The following FBXL20 variants were observed in gnomAD, a reference collection of about 807,000 sequenced individuals.
The protein encoded by FBXL20 is F-box/LRR-repeat protein 20.
Under a neutral mutation model 64.0 loss-of-function variants are expected in FBXL20, and 11 were observed. That is an observed-to-expected ratio of 0.17 (90% confidence interval 0.11 to 0.28). The LOEUF (loss-of-function observed/expected upper bound fraction) is 0.28, where lower values mean the gene tolerates loss of function less well. Ranked by LOEUF, FBXL20 falls within the 10% of genes least tolerant of loss-of-function variation. FBXL20 has a pLI of 1.00. For synonymous variants in FBXL20, 184 were observed against 189.0 expected (o/e 0.97, Z 0.22); for missense variants, 303 against 526.2 (o/e 0.58, Z 4.15).
intron 2 of FBXL20, among the ~76,000 whole-genome samples, chr17:39,314,627 C>T (rs2047267426): frequency 6.6e-6 from 1 of 151,132 alleles, no homozygotes; most frequent in South Asian, 2.1e-4. Context: ...TCCCAAAGTG[C>T]TGGGATTACA....
chr17:39,368,838 G>A (rs2047887202), intron 1 of FBXL20, among the ~76,000 whole-genome samples: 1 of 151,990 alleles, frequency 6.6e-6, no homozygotes, highest in African/African-American at 2.4e-5. Context: ...TGTATTTTTA[G>A]TAAAGACGGG....
At chr17:39,393,115 C>T (rs1046905993) in intron 1 of FBXL20, among the ~76,000 whole-genome samples, 1 of 151,838 alleles carries the variant, frequency 6.6e-6, no homozygotes, top group African/African-American at 2.4e-5. Flanking sequence ...ATGGCAAAAC[C>T]CTATCTCTAC....
intron 1 of FBXL20, among the ~76,000 whole-genome samples, chr17:39,376,659 T>G (rs2144646232): frequency 6.6e-6 from 1 of 152,254 alleles, no homozygotes; most frequent in East Asian, 1.9e-4. Flanking sequence ...ACTAGGAGAA[T>G]TTGCGGTTCT....
chr17:39,340,288 G>T (rs1006363230), intron 2 of FBXL20, among the ~76,000 whole-genome samples: 4 of 152,140 alleles, frequency 2.6e-5, no homozygotes, highest in African/African-American at 9.7e-5. Context: ...GTAGAGATGG[G>T]GTTTCACCAT....
At chr17:39,366,741 T>A (rs546646402) in intron 1 of FBXL20, among the ~76,000 whole-genome samples, 21 of 152,208 alleles carry the variant, frequency 1.4e-4, no homozygotes, top group Admixed American at 8.5e-4. Flanking sequence ...TCTGCTGTGA[T>A]ATATAATGCC....
intron 1 of FBXL20, among the ~76,000 whole-genome samples, chr17:39,368,982 C>T (rs1479599738): frequency 1.3e-5 from 2 of 152,122 alleles, no homozygotes; most frequent in Non-Finnish European, 2.9e-5. Flanking sequence ...TAAAAAATAA[C>T]TGAAGTTTCT....
chr17:39,396,218 G>A (rs1404988442), intron 1 of FBXL20, among the ~76,000 whole-genome samples: 1 of 152,002 alleles, frequency 6.6e-6, no homozygotes, highest in African/African-American at 2.4e-5. Context: ...CAGATGCATA[G>A]GATTCTAGAA....
chr17:39,270,436 C>T (rs548683500), intron 11 of FBXL20, among the ~76,000 whole-genome samples: 2 of 151,974 alleles, frequency 1.3e-5, no homozygotes, highest in Admixed American at 6.6e-5. Context: ...CCCAGCTACT[C>T]GGGAGGCTGA....
At chr17:39,400,651 C>T (rs2048232221) in intron 1 of FBXL20, among the ~76,000 whole-genome samples, 1 of 152,204 alleles carries the variant, frequency 6.6e-6, no homozygotes, top group African/African-American at 2.4e-5. Flanking sequence ...ACCGTCCACT[C>T]CTCAATTCCA....
intron 2 of FBXL20, among the ~76,000 whole-genome samples, chr17:39,335,268 GAAATGCTTA>G (rs2047509366): frequency 6.8e-6 from 1 of 147,330 alleles, no homozygotes. Context: ...CCCACCCCAC[GAAATGCTTA>G]AAAGGTAGCT....
chr17:39,357,972 A>C (rs1391350017), intron 1 of FBXL20, among the ~76,000 whole-genome samples: 2 of 152,226 alleles, frequency 1.3e-5, no homozygotes, highest in African/African-American at 2.4e-5. Context: ...AAACAGAAAC[A>C]ATTACATATA....
chr17:39,283,714 T>C (rs1444325118), intron 7 of FBXL20, among the ~76,000 whole-genome samples: 2 of 152,210 alleles, frequency 1.3e-5, no homozygotes, highest in Non-Finnish European at 2.9e-5. Flanking sequence ...ACCGCTTTTG[T>C]AGGCTGAATT....
chr17:39,352,830 G>A lies in FBXL20; in HGVS notation c.43-9589C>T, dbSNP rs1489668318. On this transcript the variant is annotated intron_variant, in intron 1 of 14. Transcript: ENST00000264658. ...ATTTAAGCTTTATAGATTATATACAGAATTCCCAATTCTTAGCTAGCACCT... is the reference window on the plus strand; with the variant it reads ...ATTTAAGCTTTATAGATTATATACAAAATTCCCAATTCTTAGCTAGCACCT... Among the ~76,000 whole-genome samples the A allele has an allele frequency of 3.3e-5, 5 of 152,036 alleles. No homozygotes were observed. In the East Asian group the frequency reaches 7.7e-4, roughly 23 times the overall value.
At chr17:39,395,793 T>C (rs143295787) in intron 1 of FBXL20, among the ~76,000 whole-genome samples, 6 of 152,324 alleles carry the variant, frequency 3.9e-5, no homozygotes, top group South Asian at 4.1e-4. Context: ...TTCAGTCACT[T>C]TGTCATTGTG....
chr17:39,272,744 A>AAGAG (rs370181866), intron 10 of FBXL20, among the ~76,000 whole-genome samples: 2 of 150,660 alleles, frequency 1.3e-5, no homozygotes, highest in African/African-American at 5.0e-5. Context: ...GAAAGAAAGA[A>AAGAG]AAAGAAAGAA....
intron 1 of FBXL20, among the ~76,000 whole-genome samples, chr17:39,386,358 G>A (rs1005506137): frequency 6.6e-6 from 1 of 151,900 alleles, no homozygotes; most frequent in East Asian, 1.9e-4. Context: ...GACGGGTGAC[G>A]TGACTCACGC....
chr17:39,334,610 T>C (rs1477091434), intron 2 of FBXL20, among the ~76,000 whole-genome samples: 1 of 152,158 alleles, frequency 6.6e-6, no homozygotes, highest in East Asian at 1.9e-4. Context: ...CCAGAAGAGT[T>C]GAAAAAATGA....
intron 3 of FBXL20, among the ~76,000 whole-genome samples, chr17:39,302,236 C>T (rs1479076928): frequency 6.6e-6 from 1 of 151,906 alleles, no homozygotes; most frequent in Non-Finnish European, 1.5e-5. Flanking sequence ...TCTTGAGACA[C>T]GGTGTCACTG....
At chr17:39,387,016 C>G (rs1156244622) in intron 1 of FBXL20, among the ~76,000 whole-genome samples, 1 of 152,114 alleles carries the variant, frequency 6.6e-6, no homozygotes, top group Admixed American at 6.6e-5. Context: ...CCCTGACTTA[C>G]GATGGTTTAA....
Sources: allele counts gnomAD v4.1 joint callset (sites outside exome capture counted in the v4.1 genomes callset), GRCh38; gene constraint gnomAD v4.1.1; transcripts MANE v1.5; gene names NCBI Gene and HGNC (gene_info 2026-07-23, HGNC 2026-07-21).